The following TMEM59 variants were observed in gnomAD, a reference collection of about 807,000 sequenced individuals.
The protein encoded by TMEM59 is dendritic cell factor 1.
In TMEM59, 44 loss-of-function variants were observed where a neutral mutation model predicts 42.2. That is an observed-to-expected ratio of 1.04 (90% confidence interval 0.82 to 1.34). The LOEUF is 1.34. TMEM59 is among the 40% of genes most tolerant of loss of function. TMEM59 has a pLI of 0.00. For synonymous variants in TMEM59, 148 were observed against 145.8 expected (o/e 1.02, Z -0.11); for missense variants, 359 against 382.8 (o/e 0.94, Z 0.52).
At chr1:54,048,685 A>C (rs1210438013) in intron 1 of TMEM59, 2 of 458,292 alleles carry the variant, frequency 4.4e-6, no homozygotes. Context: ...GCAGACACCT[A>C]ATAAGGAAAC....
chr1:54,026,874 T>C lies in TMEM59; in HGVS notation c.*5276A>G, dbSNP rs1557668742. Reference sequence around the variant, plus strand: ...TTCCACCCAAGTCTTCAATTATTACTGTTCTAACACTGCAAAAACCATTCA... The same window carrying C: ...TTCCACCCAAGTCTTCAATTATTACCGTTCTAACACTGCAAAAACCATTCA... On this transcript the variant is annotated 3_prime_UTR_variant, in exon 8 of 8. Transcript: ENST00000234831. The C allele has an allele frequency of 6.6e-6, 1 of 152,218 alleles. No homozygotes were observed. Among genetic ancestry groups the C allele is most frequent in the Non-Finnish European group, 1.5e-5 (1 of 68,022 alleles). The allele number at this position is 152,218 out of a possible 1,614,324, so 9.4% of individuals were successfully genotyped here. A position where few individuals can be genotyped will look rare whatever the true frequency, so the allele number is the denominator to read the frequency against.
intron 7 of TMEM59, chr1:54,034,988 CA>C (rs1656899068): frequency 6.6e-6 from 1 of 152,124 alleles, no homozygotes; most frequent in African/African-American, 2.4e-5. Context: ...TGAAAGAAGC[CA>C]CTGAAGGGAG....
intron 4 of TMEM59, 23 bp from the exon 5 acceptor site, chr1:54,041,828 T>G: frequency 1.3e-6 from 2 of 1,592,724 alleles, no homozygotes; most frequent in Non-Finnish European, 1.7e-6. Context: ...TGAAAGCAAT[T>G]AAGTCATTTG....
intron 7 of TMEM59, among the ~76,000 whole-genome samples, 193 bp downstream of exon 7, chr1:54,036,417 A>C (rs1656951947): frequency 6.6e-6 from 1 of 152,222 alleles, no homozygotes; most frequent in Non-Finnish European, 1.5e-5. Flanking sequence ...TTAGCATCAC[A>C]GAAAGCTGAG....
intron 2 of TMEM59, among the ~76,000 whole-genome samples, chr1:54,045,993 C>T (rs181393778): frequency 1.3e-5 from 2 of 152,044 alleles, no homozygotes; most frequent in South Asian, 4.1e-4. Context: ...GTTTTAGATA[C>T]AAATCTATTA....
intron 7 of TMEM59, chr1:54,034,950 AG>A (rs1656897234): frequency 6.6e-6 from 1 of 152,218 alleles, no homozygotes; most frequent in Non-Finnish European, 1.5e-5. Flanking sequence ...AGCAGCAACC[AG>A]GAACTGTTTG....
At chr1:54,050,012 C>T (rs577407658) in intron 1 of TMEM59, among the ~76,000 whole-genome samples, 4 of 152,188 alleles carry the variant, frequency 2.6e-5, no homozygotes, top group Non-Finnish European at 5.9e-5. Context: ...ATAAATTATG[C>T]AATTGCACTT....
chr1:54,047,280 C>T lies in TMEM59; in HGVS notation c.282G>A (p.Leu94=), dbSNP rs1657372808. 4 of 1,613,242 alleles carry T rather than the reference C, an allele frequency of 2.5e-6. No homozygotes were observed. The highest frequency in any genetic ancestry group is 1.1e-5 in the South Asian group (1 of 90,984). The change falls in exon 2 of 8, where the codon TTG becomes TTA. Residue 94 remains leucine, a synonymous_variant. Coordinates refer to ENST00000234831, the MANE Select transcript of TMEM59 (RefSeq NM_004872.5). Reference sequence around the variant, plus strand: ...ATAGCATCTTACCAGATTCACATTCCAATTTAGTTCGATTTAAGTCAATTC... The same window carrying T: ...ATAGCATCTTACCAGATTCACATTCTAATTTAGTTCGATTTAAGTCAATTC... ...DDGIDLNRTK[L]ECESACTEAY...
In TMEM59 at chr1:54,030,741, A is replaced by ATCTCTCTTC. The variant is rs1656741615; in HGVS notation, c.*1408_*1409insGAAGAGAGA. On this transcript the variant is annotated 3_prime_UTR_variant, in exon 8 of 8. Transcript: ENST00000234831. ...AAATCTAGACAAACTAAAAATAAAA[A>ATCTCTCTTC]CCTACACTTTGTGACCAAAGTCTTC... 6.6e-6 allele frequency: 1 copy of ATCTCTCTTC among 152,124 alleles called. No homozygotes were observed. The highest frequency in any genetic ancestry group is 1.5e-5 in the Non-Finnish European group (1 of 68,004). The allele number at this position is 152,124 out of a possible 1,614,324, so 9.4% of individuals were successfully genotyped here. A position where few individuals can be genotyped will look rare whatever the true frequency, so the allele number is the denominator to read the frequency against.
rs774512705 is a variant in TMEM59 at position 54,047,357 on chromosome 1, C to T, written c.205G>A (p.Ala69Thr). Residue 69 changes from alanine (A) to threonine (T), a missense_variant, in exon 2 of 8, where the codon GCA becomes ACA. Transcript: ENST00000234831. ...AACAGCCTGCAACCTCTCTGACATGCGTACAACTCCTCTTCCTAGGGAGTT... is the reference window on the plus strand; with the variant it reads ...AACAGCCTGCAACCTCTCTGACATGTGTACAACTCCTCTTCCTAGGGAGTT... ...HTYPKEEELY[A>T]CQRGCRLFSI... The T allele has an allele frequency of 8.7e-6, 14 of 1,613,288 alleles. No individual in the cohort carries two copies. Among genetic ancestry groups the T allele is most frequent in the East Asian group, 2.2e-5 (1 of 44,868 alleles).
At chr1:54,052,506 C>A (rs1379290582) in intron 1 of TMEM59, among the ~76,000 whole-genome samples, 1 of 152,206 alleles carries the variant, frequency 6.6e-6, no homozygotes, top group East Asian at 1.9e-4. Flanking sequence ...GCCTTCGTGA[C>A]GCTTTTTATA....
intron 4 of TMEM59, among the ~76,000 whole-genome samples, chr1:54,042,832 G>C (rs891914321): frequency 6.6e-6 from 1 of 152,146 alleles, no homozygotes; most frequent in Non-Finnish European, 1.5e-5. Context: ...TCATAAAGTT[G>C]TTTGAAGATG....
rs771861132 is a variant in TMEM59 at position 54,053,123 on chromosome 1, C to T, written c.66G>A (p.Leu22=). Residue 22 remains leucine, a synonymous_variant, in exon 1 of 8, where the codon CTG becomes CTA. Coordinates refer to ENST00000234831, the MANE Select transcript of TMEM59 (RefSeq NM_004872.5). ...TQLGLPPLLL[L]TMALAGGSGT... ...CCGAACCTCCGGCCAAGGCCATGGTCAGCAGCAGCAGCGGCGGGAGCCCCA... is the reference window on the plus strand; with the variant it reads ...CCGAACCTCCGGCCAAGGCCATGGTTAGCAGCAGCAGCGGCGGGAGCCCCA... The T allele has an allele frequency of 6.2e-7, 1 of 1,614,150 alleles. No individual in the cohort carries two copies. Among genetic ancestry groups the T allele is most frequent in the Non-Finnish European group, 8.5e-7 (1 of 1,179,994 alleles).
At chr1:54,048,083 A>G (rs1298833827) in intron 1 of TMEM59, 1 of 152,298 alleles carries the variant, frequency 6.6e-6, no homozygotes, top group African/African-American at 2.4e-5. Flanking sequence ...CCCTGTTTAT[A>G]TGAATCACCA....
chr1:54,040,864 T>G (rs777628311), intron 5 of TMEM59, 27 bp from the exon 6 acceptor site: 2 of 1,573,904 alleles, frequency 1.3e-6, no homozygotes, highest in Non-Finnish European at 1.7e-6. Context: ...TATGAGTTTA[T>G]TATATCCTAT....
chr1:54,035,126 T>C (rs539428598), intron 7 of TMEM59, among the ~76,000 whole-genome samples: 42 of 152,364 alleles, frequency 2.8e-4, no homozygotes, highest in Middle Eastern at 6.8e-3. Flanking sequence ...AACATTATCC[T>C]GTCCCAGTTT....
rs1257484560 is a variant in TMEM59 at position 54,040,780 on chromosome 1, T to C, written c.683A>G (p.Asp228Gly). 6.2e-7 allele frequency: 1 copy of C among 1,613,808 alleles called. No homozygotes were observed. The highest frequency in any genetic ancestry group is 1.1e-5 in the South Asian group (1 of 91,068). The change falls in exon 6 of 8, where the codon GAT becomes GGT. Residue 228 changes from aspartate to glycine, a missense_variant. Physicochemically the swap from Asp to Gly is moderately conservative, Grantham distance 94. Transcript: ENST00000234831. ...HRNFLEDGESDGFLRCLSLNS... is the reference protein window; with the variant it reads ...HRNFLEDGESGGFLRCLSLNS... Reference sequence around the variant, plus strand: ...CAGAGAGAGGCATCTTAAAAAGCCATCACTTTCTCCATCTTCAAGAAAATT... The same window carrying C: ...CAGAGAGAGGCATCTTAAAAAGCCACCACTTTCTCCATCTTCAAGAAAATT...
upstream of TMEM59, chr1:54,053,295 C>A: frequency 7.2e-6 from 10 of 1,392,282 alleles, no homozygotes; most frequent in Middle Eastern, 6.1e-4. Context: ...CCGTTGCTTC[C>A]GCCTCCGCTG....
chr1:54,045,159 T>C (rs1657286857), intron 3 of TMEM59, among the ~76,000 whole-genome samples: 1 of 152,172 alleles, frequency 6.6e-6, no homozygotes, highest in Non-Finnish European at 1.5e-5. Context: ...GAGTAGGTTG[T>C]GATAAACAGT....
Sources: gnomAD v4.1 joint callset for allele counts (sites outside exome capture counted in the v4.1 genomes callset) on GRCh38, gnomAD v4.1.1 for gene constraint, MANE v1.5 for transcripts, NCBI Gene and HGNC (gene_info 2026-07-23, HGNC 2026-07-21) for gene names.